The following ADAMTS6 variants were observed in gnomAD, a reference collection of about 807,000 sequenced individuals.
ADAMTS6 encodes the protein ADAM metallopeptidase with thrombospondin type 1 motif 6.
In ADAMTS6, 23 loss-of-function variants were observed where a neutral mutation model predicts 144.3. The observed-to-expected ratio is 0.16, with a 90% CI of 0.11 to 0.23. ADAMTS6 has a LOEUF of 0.23. Among genes scored for constraint, ADAMTS6 ranks in the 10% least tolerant of loss-of-function variants. The pLI is 1.00. For synonymous variants in ADAMTS6, 444 were observed against 457.5 expected (o/e 0.97, Z 0.38); for missense variants, 999 against 1,379.6 (o/e 0.72, Z 4.37).
intron 9 of ADAMTS6, among the ~76,000 whole-genome samples, chr5:65,309,302 GAC>G (rs1241700301): frequency 2.6e-5 from 4 of 152,110 alleles, no homozygotes; most frequent in Non-Finnish European, 5.9e-5. Context: ...GGTGATGGGA[GAC>G]AGTGACAGAT....
intron 20 of ADAMTS6, among the ~76,000 whole-genome samples, chr5:65,200,085 A>C: frequency 6.6e-6 from 1 of 152,174 alleles, no homozygotes; most frequent in East Asian, 1.9e-4. Context: ...TTTCACACTC[A>C]AGAATTGACT....
chr5:65,227,410 C>T (rs1226296597), intron 15 of ADAMTS6, among the ~76,000 whole-genome samples: 1 of 152,146 alleles, frequency 6.6e-6, no homozygotes, highest in African/African-American at 2.4e-5. Context: ...GATAAAGCTA[C>T]TATTTGTAAG....
chr5:65,191,107 C>G (rs955847203), intron 21 of ADAMTS6, among the ~76,000 whole-genome samples: 1 of 152,112 alleles, frequency 6.6e-6, no homozygotes, highest in Non-Finnish European at 1.5e-5. Flanking sequence ...ATAGCTGGAA[C>G]AATTCTGGGG....
chr5:65,361,487 C>A (rs958611566), intron 7 of ADAMTS6, among the ~76,000 whole-genome samples: 3 of 152,144 alleles, frequency 2.0e-5, no homozygotes, highest in Non-Finnish European at 4.4e-5. Flanking sequence ...TCCGCTTCTA[C>A]ACCACCGCAA....
rs140946308 is a variant in ADAMTS6, at chr5:65,226,123, G to A, written c.2030C>T (p.Ala677Val). The A allele has an allele frequency of 5.6e-6, 9 of 1,612,900 alleles. No individual in the cohort carries two copies. The highest frequency in any genetic ancestry group is 2.7e-5 in the African/African-American group (2 of 75,006). Residue 677 changes from alanine to valine, a missense_variant, in exon 16 of 25, where the codon GCG becomes GTG. Coordinates refer to ENST00000381055, the MANE Select transcript of ADAMTS6 (RefSeq NM_197941.4). ...ATTGATGCAGATATCCAGTGAATCC[G>A]CATTGCACTGGGTCCCATCGATCAC... The part of the protein sequence containing the change: ...PAVIDGTQCN[A>V]DSLDICINGE...
chr5:65,258,435 T>C (rs1011233927), intron 14 of ADAMTS6, among the ~76,000 whole-genome samples: 1 of 152,156 alleles, frequency 6.6e-6, no homozygotes, highest in African/African-American at 2.4e-5. Flanking sequence ...GAAAGCCAGA[T>C]TGTGTAGACC....
chr5:65,272,727 C>T (rs1302866318), intron 12 of ADAMTS6, among the ~76,000 whole-genome samples: 1 of 151,686 alleles, frequency 6.6e-6, no homozygotes, highest in East Asian at 1.9e-4. Flanking sequence ...CGAGACCAGC[C>T]CGGGCAACAT....
chr5:65,387,919 T>G lies in ADAMTS6; in HGVS notation c.1074-53834A>C, dbSNP rs1473063241. Among the ~76,000 whole-genome samples, 4 of 152,196 alleles carry G rather than the reference T, an allele frequency of 2.6e-5. No individual in the cohort carries two copies. In the East Asian group the frequency reaches 7.7e-4, roughly 29 times the overall value. On this transcript the variant is annotated intron_variant, in intron 7 of 24. Transcript: ENST00000381055. Reference sequence around the variant, plus strand: ...AAAGTAAATAAACAAATAATAGAATTTGTACAATAGGCCGGGCACGGTGGC... The same window carrying G: ...AAAGTAAATAAACAAATAATAGAATGTGTACAATAGGCCGGGCACGGTGGC...
chr5:65,224,966 C>T lies in ADAMTS6; in HGVS notation c.2149G>A (p.Asp717Asn). The change falls in exon 17 of 25, where the codon GAT becomes AAT. Residue 717 changes from aspartate (D) to asparagine (N), a missense_variant. Physicochemically the swap from Asp to Asn is conservative, Grantham distance 23. Coordinates refer to ENST00000381055, the MANE Select transcript of ADAMTS6 (RefSeq NM_197941.4). The part of the protein sequence containing the change: ...RVCGGDGSTC[D>N]AIEGFFNDSL... ...TCATTGAAGAACCCTTCAATGGCAT[C>T]ACATGTGCTTCCGTCCCCTCCACAG... 1 of 1,614,080 alleles carries T rather than the reference C, an allele frequency of 6.2e-7. No individual in the cohort carries two copies. The highest frequency in any genetic ancestry group is 8.5e-7 in the Non-Finnish European group (1 of 1,179,980).
intron 21 of ADAMTS6, among the ~76,000 whole-genome samples, chr5:65,190,672 T>A (rs1341270187): frequency 6.6e-6 from 1 of 152,132 alleles, no homozygotes; most frequent in Admixed American, 6.6e-5. Context: ...CCCTCTTCCA[T>A]TCCATCTCTC....
At chr5:65,279,435 G>A (rs1762818773) in intron 11 of ADAMTS6, among the ~76,000 whole-genome samples, 1 of 152,078 alleles carries the variant, frequency 6.6e-6, no homozygotes, top group Non-Finnish European at 1.5e-5. Flanking sequence ...TCCTGCCTCA[G>A]CCTCCTGAGT....
At chr5:65,215,040 A>G in intron 19 of ADAMTS6, 108 bp from the exon 20 acceptor site, 9 of 1,391,242 alleles carry the variant, frequency 6.5e-6, no homozygotes, top group Non-Finnish European at 8.7e-6. Flanking sequence ...CTTACAGGAA[A>G]CTTAATATAA....
At position 65,460,354 on chromosome 5, in the gene ADAMTS6, A is replaced by T. The variant is rs1759553433; in HGVS notation, c.463-16T>A. 6.3e-7 allele frequency: 1 copy of T among 1,575,468 alleles called. No homozygotes were observed. Among genetic ancestry groups the T allele is most frequent in the Non-Finnish European group, 8.6e-7 (1 of 1,162,186 alleles). ...TAACACCATGCTAAAAGAAAAATAA[A>T]CAAAGAACTTACCAAAGAGAATCAT... On this transcript the variant is annotated splice_polypyrimidine_tract_variant and intron_variant, in intron 3 of 24. Coordinates refer to ENST00000381055, the MANE Select transcript of ADAMTS6 (RefSeq NM_197941.4).
At chr5:65,255,327 C>T (rs2112563808) in intron 14 of ADAMTS6, among the ~76,000 whole-genome samples, 1 of 151,816 alleles carries the variant, frequency 6.6e-6, no homozygotes. Flanking sequence ...GGTTACATGC[C>T]TAAGTTCTTT....
At chr5:65,447,609 A>G (rs1473059583) in intron 7 of ADAMTS6, among the ~76,000 whole-genome samples, 1 of 152,098 alleles carries the variant, frequency 6.6e-6, no homozygotes, top group Admixed American at 6.5e-5. Context: ...AGTGTCAAGT[A>G]AAGAATATTA....
chr5:65,448,286 A>G (rs572176116), intron 7 of ADAMTS6, among the ~76,000 whole-genome samples: 1 of 152,292 alleles, frequency 6.6e-6, no homozygotes, highest in East Asian at 1.9e-4. Flanking sequence ...ATGTAAATCA[A>G]CAAAATAAAA....
chr5:65,206,496 C>T (rs1199887704), intron 20 of ADAMTS6, among the ~76,000 whole-genome samples: 2 of 151,876 alleles, frequency 1.3e-5, no homozygotes, highest in Non-Finnish European at 1.5e-5. Context: ...GTCAGGAGTT[C>T]GAGACCAGTC....
At chr5:65,452,015 T>C in intron 6 of ADAMTS6, 118 bp downstream of exon 6, 2 of 820,510 alleles carry the variant, frequency 2.4e-6, no homozygotes, top group Non-Finnish European at 3.6e-6. Flanking sequence ...AAAAATCATA[T>C]CCAACTAGAA....
At chr5:65,245,023 G>A (rs1397865580) in intron 14 of ADAMTS6, among the ~76,000 whole-genome samples, 4 of 152,028 alleles carry the variant, frequency 2.6e-5, no homozygotes, top group African/African-American at 4.8e-5. Flanking sequence ...TTTAATTCAC[G>A]GCCTTGAGAA....
Sources: allele counts gnomAD v4.1 joint callset (sites outside exome capture counted in the v4.1 genomes callset), GRCh38; gene constraint gnomAD v4.1.1; transcripts MANE v1.5; gene names NCBI Gene and HGNC (gene_info 2026-07-23, HGNC 2026-07-21).